The following XKR4 variants were observed in gnomAD, a reference collection of about 807,000 sequenced individuals.
XKR4 encodes the protein XK-related protein 4.
Under a neutral mutation model 53.9 loss-of-function variants are expected in XKR4, and 12 were observed. The ratio of observed to expected loss-of-function variants is 0.22; its 90% CI spans 0.14 to 0.36. The LOEUF is 0.36. XKR4 is among the 10% of genes least tolerant of loss of function. The pLI is 1.00. For synonymous variants in XKR4, 354 were observed against 362.4 expected (o/e 0.98, Z 0.26); for missense variants, 799 against 859.5 (o/e 0.93, Z 0.88).
At chr8:55,172,890 C>G (rs1817182075) in intron 1 of XKR4, among the ~76,000 whole-genome samples, 1 of 152,130 alleles carries the variant, frequency 6.6e-6, no homozygotes, top group Admixed American at 6.5e-5. Flanking sequence ...CCTTGAGTTT[C>G]TATTGGTTGG....
chr8:55,483,379 C>T (rs1308924379), intron 2 of XKR4, among the ~76,000 whole-genome samples: 1 of 151,960 alleles, frequency 6.6e-6, no homozygotes, highest in Admixed American at 6.6e-5. Context: ...AGCAAAAATG[C>T]AAAGCCAAAA....
At chr8:55,481,131 C>A (rs1436469982) in intron 2 of XKR4, among the ~76,000 whole-genome samples, 2 of 152,194 alleles carry the variant, frequency 1.3e-5, no homozygotes. Flanking sequence ...AGGCATCACA[C>A]TACCTGACTT....
chr8:55,213,223 CT>C (rs1235473639), intron 1 of XKR4, among the ~76,000 whole-genome samples: 1 of 152,174 alleles, frequency 6.6e-6, no homozygotes, highest in Non-Finnish European at 1.5e-5. Flanking sequence ...ATCAGTCTCC[CT>C]GAAAATTCAG....
chr8:55,139,993 A>C (rs1449048433), intron 1 of XKR4: 2 of 242,438 alleles, frequency 8.2e-6, no homozygotes, highest in Non-Finnish European at 1.7e-5. Flanking sequence ...TTTCCACTTT[A>C]ATTAGCTAAC....
At chr8:55,356,994 A>T (rs575408370) in intron 1 of XKR4, among the ~76,000 whole-genome samples, 1 of 152,354 alleles carries the variant, frequency 6.6e-6, no homozygotes, top group East Asian at 1.9e-4. Context: ...GGAATACAGT[A>T]TATAATGCAT....
chr8:55,450,366 C>A, intron 2 of XKR4: 1 of 674,876 alleles, frequency 1.5e-6, no homozygotes. Flanking sequence ...TGTAGGGCCG[C>A]AGGACCTCTG....
chr8:55,240,053 G>T (rs937861620), intron 1 of XKR4, among the ~76,000 whole-genome samples: 1 of 152,146 alleles, frequency 6.6e-6, no homozygotes, highest in African/African-American at 2.4e-5. Context: ...GCATGTTTCT[G>T]TCTACCTGCT....
At chr8:55,518,328 C>G (rs1181097358) in intron 2 of XKR4, among the ~76,000 whole-genome samples, 1 of 152,212 alleles carries the variant, frequency 6.6e-6, no homozygotes, top group Non-Finnish European at 1.5e-5. Context: ...ACACTTCACT[C>G]TCTCTGTGGT....
At chr8:55,515,480 C>T (rs573664732) in intron 2 of XKR4, among the ~76,000 whole-genome samples, 13 of 152,082 alleles carry the variant, frequency 8.5e-5, no homozygotes, top group African/African-American at 3.1e-4. Flanking sequence ...TGCTTTTATA[C>T]TTGTAACTAA....
At chr8:55,385,437 T>A (rs747753136) in intron 2 of XKR4, among the ~76,000 whole-genome samples, 1 of 152,212 alleles carries the variant, frequency 6.6e-6, no homozygotes, top group Non-Finnish European at 1.5e-5. Flanking sequence ...CCTCCGCACA[T>A]ACCTTACTCT....
At chr8:55,264,722 G>A (rs944701660) in intron 1 of XKR4, among the ~76,000 whole-genome samples, 1 of 152,218 alleles carries the variant, frequency 6.6e-6, no homozygotes, top group African/African-American at 2.4e-5. Context: ...TTAGCATGCA[G>A]AATAGAAAAC....
intron 2 of XKR4, among the ~76,000 whole-genome samples, chr8:55,475,951 G>C (rs1442968737): frequency 6.6e-6 from 1 of 151,884 alleles, no homozygotes; most frequent in East Asian, 1.9e-4. Context: ...TTTGCCAATT[G>C]CTTGGGCTGG....
At chr8:55,417,112 C>T (rs555453146) in intron 2 of XKR4, among the ~76,000 whole-genome samples, 1 of 152,122 alleles carries the variant, frequency 6.6e-6, no homozygotes, top group Non-Finnish European at 1.5e-5. Context: ...TAATGAGCAG[C>T]GAAGGCTGAG....
At chr8:55,287,719 C>T (rs1585988077) in intron 1 of XKR4, among the ~76,000 whole-genome samples, 1 of 152,334 alleles carries the variant, frequency 6.6e-6, no homozygotes, top group East Asian at 1.9e-4. Context: ...CTGTCTTCGC[C>T]ATCCCCGTTC....
chr8:55,375,113 G>A (rs1238701947), intron 2 of XKR4, among the ~76,000 whole-genome samples: 1 of 152,216 alleles, frequency 6.6e-6, no homozygotes, highest in Non-Finnish European at 1.5e-5. Flanking sequence ...CATTGCCAGT[G>A]ATCTTTGCTG....
At chr8:55,501,137 A>G (rs1027828986) in intron 2 of XKR4, among the ~76,000 whole-genome samples, 9 of 152,198 alleles carry the variant, frequency 5.9e-5, no homozygotes, top group Non-Finnish European at 8.8e-5. Context: ...AACAAATTCA[A>G]TTTTTTAAAA....
chr8:55,470,332 T>C (rs539722085), intron 2 of XKR4, among the ~76,000 whole-genome samples: 1 of 152,236 alleles, frequency 6.6e-6, no homozygotes, highest in Non-Finnish European at 1.5e-5. Flanking sequence ...TCCCTCATGT[T>C]GTGGGAGGGA....
chr8:55,134,638 A>G (rs1816599495), intron 1 of XKR4, among the ~76,000 whole-genome samples: 1 of 152,206 alleles, frequency 6.6e-6, no homozygotes, highest in African/African-American at 2.4e-5. Flanking sequence ...TATCACTGCC[A>G]TTTATTAGCT....
chr8:55,277,469 C>T (rs1395593127), intron 1 of XKR4, among the ~76,000 whole-genome samples: 1 of 152,074 alleles, frequency 6.6e-6, no homozygotes, highest in Non-Finnish European at 1.5e-5. Context: ...AATGAGATAT[C>T]TTGGGGATGG....
Sources: allele counts gnomAD v4.1 joint callset (sites outside exome capture counted in the v4.1 genomes callset), GRCh38; gene constraint gnomAD v4.1.1; transcripts MANE v1.5; gene names NCBI Gene and HGNC (gene_info 2026-07-23, HGNC 2026-07-21).